Variants in C4orf17 observed in about 807,000 individuals in gnomAD.
C4orf17 encodes the protein uncharacterized protein C4orf17.
C4orf17 carries 25 observed loss-of-function variants against 32.0 expected under a neutral mutation model. That is an observed-to-expected ratio of 0.78 (90% confidence interval 0.57 to 1.09). The LOEUF is 1.09. Among genes scored for constraint, C4orf17 ranks in the 50% least tolerant of loss-of-function variants. C4orf17 has a pLI of 0.00. For synonymous variants in C4orf17, 149 were observed against 145.8 expected, an observed-to-expected ratio of 1.02 and a Z score of -0.16; for missense variants, 420 against 420.0, an observed-to-expected ratio of 1.00 and a Z score of 0.00.
chr4:99,539,681 T>C (rs145014024), intron 7 of C4orf17, among the ~76,000 whole-genome samples: 3,528 of 152,268 alleles, frequency 0.023, 108 homozygotes, highest in Middle Eastern at 0.1. Flanking sequence ...ATAATAAAGA[T>C]TTTTATAGTT....
At chr4:99,523,239 A>T (rs567071965) in intron 3 of C4orf17, among the ~76,000 whole-genome samples, 1 of 151,900 alleles carries the variant, frequency 6.6e-6, no homozygotes, top group Admixed American at 6.5e-5. Flanking sequence ...AGGCACTGAT[A>T]AAAGTAAAAT....
chr4:99,526,707 A>T (rs1471608296), intron 4 of C4orf17, among the ~76,000 whole-genome samples: 1 of 148,002 alleles, frequency 6.8e-6, no homozygotes, highest in Non-Finnish European at 1.5e-5. Context: ...TTCTTTAGCC[A>T]GCATTGGTAG....
chr4:99,537,908 T>G (rs1480726399), intron 6 of C4orf17, among the ~76,000 whole-genome samples, 158 bp downstream of exon 6: 1 of 152,228 alleles, frequency 6.6e-6, no homozygotes, highest in Non-Finnish European at 1.5e-5. Context: ...CTGTTCTGCA[T>G]ATCCAGCTGC....
chr4:99,515,711 A>G (rs1723169534), intron 2 of C4orf17, among the ~76,000 whole-genome samples: 1 of 152,180 alleles, frequency 6.6e-6, no homozygotes, highest in Non-Finnish European at 1.5e-5. Context: ...ATAAAAGTTA[A>G]AAAAAGAACT....
chr4:99,526,148 A>G (rs1723385000), intron 4 of C4orf17, among the ~76,000 whole-genome samples: 1 of 152,224 alleles, frequency 6.6e-6, no homozygotes, highest in African/African-American at 2.4e-5. Flanking sequence ...TGACCTTTAT[A>G]TGGCTGAGAA....
At chr4:99,533,513 T>G (rs1323492359) in intron 5 of C4orf17, among the ~76,000 whole-genome samples, 1 of 152,112 alleles carries the variant, frequency 6.6e-6, no homozygotes, top group Non-Finnish European at 1.5e-5. Flanking sequence ...CACAGAGAAG[T>G]GGAGCCTGAA....
chr4:99,514,663 A>G (rs1260187190), intron 2 of C4orf17, among the ~76,000 whole-genome samples: 7 of 152,232 alleles, frequency 4.6e-5, no homozygotes, highest in African/African-American at 1.7e-4. Flanking sequence ...AGAAGTGTAA[A>G]CTAGTGTACA....
chr4:99,526,314 T>G (rs886833218), intron 4 of C4orf17, among the ~76,000 whole-genome samples: 10 of 152,224 alleles, frequency 6.6e-5, no homozygotes, highest in African/African-American at 2.4e-4. Context: ...AGTTTCAAAT[T>G]GGAACCAACC....
chr4:99,513,229 A>C (rs773928200), intron 2 of C4orf17, 21 bp downstream of exon 2: 7 of 1,613,174 alleles, frequency 4.3e-6, no homozygotes, highest in Admixed American at 1.7e-5. Context: ...TTAAGGTCCT[A>C]GTATGTGTCT....
chr4:99,534,180 CAT>C (rs1277706440), intron 5 of C4orf17, among the ~76,000 whole-genome samples: 1 of 152,130 alleles, frequency 6.6e-6, no homozygotes, highest in Non-Finnish European at 1.5e-5. Context: ...TGTTCCCCAC[CAT>C]ATGTCCATGT....
chr4:99,516,903 A>G (rs1723196982), intron 2 of C4orf17, among the ~76,000 whole-genome samples: 1 of 152,174 alleles, frequency 6.6e-6, no homozygotes, highest in South Asian at 2.1e-4. Context: ...CATTCTGCAT[A>G]GGCTGGGCTT....
chr4:99,529,249 C>T (rs937510167), intron 4 of C4orf17, among the ~76,000 whole-genome samples: 4 of 152,172 alleles, frequency 2.6e-5, no homozygotes, highest in South Asian at 4.1e-4. Flanking sequence ...GACTTAAAAG[C>T]TCCCAGAACC....
intron 3 of C4orf17, among the ~76,000 whole-genome samples, chr4:99,524,271 C>A: frequency 6.6e-6 from 1 of 152,140 alleles, no homozygotes; most frequent in South Asian, 2.1e-4. Context: ...TCAGTTTAAC[C>A]AGATCAAGAA....
At chr4:99,519,009 T>C (rs1723242841) in intron 2 of C4orf17, among the ~76,000 whole-genome samples, 1 of 152,130 alleles carries the variant, frequency 6.6e-6, no homozygotes, top group Non-Finnish European at 1.5e-5. Flanking sequence ...GAGATTTGTG[T>C]GAAGGAGCTT....
chr4:99,516,031 A>T (rs548021176), intron 2 of C4orf17, among the ~76,000 whole-genome samples: 4 of 152,234 alleles, frequency 2.6e-5, no homozygotes, highest in Non-Finnish European at 5.9e-5. Flanking sequence ...GAAGGTGAAG[A>T]GGAACAAATC....
At chr4:99,539,760 T>C (rs1303497920) in intron 7 of C4orf17, among the ~76,000 whole-genome samples, 1 of 152,150 alleles carries the variant, frequency 6.6e-6, no homozygotes, top group African/African-American at 2.4e-5. Flanking sequence ...TTTTGTTAAA[T>C]GTGTATCACA....
At chr4:99,540,213 A>G (rs1723632736) in intron 7 of C4orf17, among the ~76,000 whole-genome samples, 199 bp from the exon 8 acceptor site, 1 of 152,160 alleles carries the variant, frequency 6.6e-6, no homozygotes, top group African/African-American at 2.4e-5. Flanking sequence ...ATATGATACA[A>G]TAGTTAAATA....
In C4orf17 at chr4:99,542,287, T is replaced by C; in HGVS notation, c.*178T>C. 1 of 625,356 alleles carries C rather than the reference T, an allele frequency of 1.6e-6. No individual in the cohort carries two copies. Among genetic ancestry groups the C allele is most frequent in the Non-Finnish European group, 2.8e-6 (1 of 354,624 alleles). 38.7% of individuals were successfully genotyped at this position (625,356 alleles called of 1,614,324 possible). On this transcript the variant is annotated 3_prime_UTR_variant, in exon 9 of 9. Transcript: ENST00000326581. ...CAAATAAATATTACTGGAAATGATA[T>C]TTCCATTTGTAGTTAATACGATGTG... is the stretch of plus-strand genomic sequence containing the variant.
chr4:99,532,079 C>T (rs932333647), intron 5 of C4orf17, among the ~76,000 whole-genome samples: 8 of 152,118 alleles, frequency 5.3e-5, no homozygotes, highest in African/African-American at 1.9e-4. Flanking sequence ...GTCTGCCAAA[C>T]TCTTATAAAC....
Sources: gnomAD v4.1 joint callset for allele counts (sites outside exome capture counted in the v4.1 genomes callset) on GRCh38, gnomAD v4.1.1 for gene constraint, MANE v1.5 for transcripts, NCBI Gene and HGNC (gene_info 2026-07-23, HGNC 2026-07-21) for gene names.